RUNX3: variants seen among roughly 807,000 people sequenced by gnomAD.
RUNX3 encodes runt-related transcription factor 3.
Under a neutral mutation model 27.7 loss-of-function variants are expected in RUNX3, and 10 were observed. That is an observed-to-expected ratio of 0.36 (90% CI 0.22 to 0.61). The LOEUF (loss-of-function observed/expected upper bound fraction) is 0.61. Ranked by LOEUF, RUNX3 falls within the 20% of genes least tolerant of loss-of-function variation. The probability of loss-of-function intolerance (pLI) is 0.72; values close to 1 mark genes in which losing one functional copy is unlikely to be tolerated. For synonymous variants in RUNX3, 270 were observed against 269.2 expected, an observed-to-expected ratio of 1.00 and a Z score of -0.03; for missense variants, 469 against 629.5, an observed-to-expected ratio of 0.75 and a Z score of 2.73.
At chr1:24,922,917 C>T (rs748403302) in intron 2 of RUNX3, among the ~76,000 whole-genome samples, 31 of 151,536 alleles carry the variant, frequency 2.0e-4, no homozygotes, top group Non-Finnish European at 3.5e-4. Context: ...AATCCATCTA[C>T]TCATTTTGTC....
At chr1:24,929,330 A>T in intron 1 of RUNX3, 1 of 685,006 alleles carries the variant, frequency 1.5e-6, no homozygotes, top group Non-Finnish European at 2.7e-6. Flanking sequence ...TTTCCGCACC[A>T]ACGTCTCTAC....
intron 2 of RUNX3, among the ~76,000 whole-genome samples, chr1:24,937,390 C>T (rs1641372526): frequency 6.6e-6 from 1 of 152,250 alleles, no homozygotes; most frequent in South Asian, 2.1e-4. Context: ...ACAAATCCAC[C>T]CCTCATCACC....
chr1:24,902,132 C>A lies in RUNX3; in HGVS notation c.1238G>T (p.Arg413Leu). 6.5e-7 allele frequency: 1 copy of A among 1,546,074 alleles called. No individual in the cohort carries two copies. The highest frequency in any genetic ancestry group is 8.7e-7 in the Non-Finnish European group (1 of 1,143,872). The change falls in exon 5 of 5, where the codon CGG becomes CTG. Residue 413 changes from arginine to leucine, a missense_variant. Physicochemically the swap from Arg to Leu is moderately radical, Grantham distance 102 (BLOSUM62 -2). Around this residue, in one of 3 missense-constraint regions of RUNX3, gnomAD observed 279 missense variants for 343.0 expected, o/e 0.81. Coordinates refer to ENST00000308873, the MANE Select transcript of RUNX3 (RefSeq NM_004350.3). This position sits in a 1 kb window ranked among gnomAD's most constrained non-coding sequence, Gnocchi z 9.2. Reference sequence around the variant, plus strand: ...AGTCCACCAGGGCGGTCAGTAGGGCCGCCACACGGCCTCATCCATGCGGCC... The same window carrying A: ...AGTCCACCAGGGCGGTCAGTAGGGCAGCCACACGGCCTCATCCATGCGGCC... Reference protein sequence around the residue: ...TPGRMDEAVWRPY With the variant: ...TPGRMDEAVWLPY
chr1:24,930,275 G>C lies in RUNX3; in HGVS notation c.-407C>G, dbSNP rs1306724373. 1.0e-6 allele frequency: 1 copy of C among 981,738 alleles called. No individual in the cohort carries two copies. The highest frequency in any genetic ancestry group is 1.2e-6 in the Non-Finnish European group (1 of 827,258). 60.8% of individuals were successfully genotyped at this position (981,738 alleles called of 1,614,324 possible). A position where few individuals can be genotyped will look rare whatever the true frequency, so the allele number is the denominator to read the frequency against. On this transcript the variant is annotated 5_prime_UTR_variant, in exon 1 of 5. Coordinates refer to ENST00000308873, the MANE Select transcript of RUNX3 (RefSeq NM_004350.3). This position sits in a 1 kb window ranked among gnomAD's most constrained non-coding sequence, Gnocchi z 4.1. ...AGAACAAATCCTCCAGAATCAAGTG[G>C]CGGGGCCGCGGCCGCCCGCGCGGGG...
intron 2 of RUNX3, among the ~76,000 whole-genome samples, chr1:24,955,332 C>T (rs575826854): frequency 1.1e-4 from 17 of 152,096 alleles, no homozygotes; most frequent in Non-Finnish European, 4.4e-5. Flanking sequence ...GAGAGTTTGA[C>T]GGGCTGGTTT....
Position 24,915,830 on chromosome 1 carries a change from G to A in RUNX3, c.544+3410C>T, listed in dbSNP as rs1447252401. Among the ~76,000 whole-genome samples, 6 of 152,152 alleles carry A rather than the reference G, an allele frequency of 3.9e-5. No homozygotes were observed. The South Asian group carries it at 1.0e-3, about 26-fold the overall frequency. On this transcript the variant is annotated intron_variant, in intron 3 of 4. Coordinates refer to ENST00000308873, the MANE Select transcript of RUNX3 (RefSeq NM_004350.3). ...GGGGCGTGAGGGCCTTTCCCCCACC[G>A]TGGTCCATGCCAGACTTGCCAGGTG... is the stretch of plus-strand genomic sequence containing the variant.
intron 2 of RUNX3, among the ~76,000 whole-genome samples, chr1:24,942,168 T>G (rs916212334): frequency 1.2e-4 from 18 of 151,872 alleles, no homozygotes; most frequent in Admixed American, 6.5e-4. Context: ...GCTCTGAGCT[T>G]AGATGAGGGG....
intron 2 of RUNX3, among the ~76,000 whole-genome samples, chr1:24,920,955 G>C (rs1314294129): frequency 6.6e-6 from 1 of 152,116 alleles, no homozygotes; most frequent in African/African-American, 2.4e-5. Context: ...GAGCGGGGGA[G>C]ATTTGCGGAT....
In RUNX3 at chr1:24,929,942, C is replaced by A; in HGVS notation, c.-74G>T. ...CCGGGGGCGGCCGGCGCGGGCGCCT[C>A]CTCGGCCGCCGCTGCCGCGAGAAGC... On this transcript the variant is annotated 5_prime_UTR_variant, in exon 1 of 5. Coordinates refer to ENST00000308873, the MANE Select transcript of RUNX3 (RefSeq NM_004350.3). 1 of 1,217,008 alleles carries A rather than the reference C, an allele frequency of 8.2e-7. No homozygotes were observed. Among genetic ancestry groups the A allele is most frequent in the Non-Finnish European group, 1.0e-6 (1 of 979,994 alleles). The allele number at this position is 1,217,008 out of a possible 1,614,324, so 75.4% of individuals were successfully genotyped here.
rs367759587 is a variant in RUNX3 at position 24,918,586 on chromosome 1, T to TTCAG, written c.544+650_544+653dup. Among the ~76,000 whole-genome samples, 41 of 151,440 alleles carry TTCAG rather than the reference T, an allele frequency of 2.7e-4. No individual in the cohort carries two copies. In the East Asian group the frequency reaches 5.6e-3, roughly 21 times the overall value. On this transcript the variant is annotated intron_variant, in intron 3 of 4. Transcript: ENST00000308873. ...TCTATTTCATTCATTCATTCATTCA[T>TTCAG]TCAGTCAGTCAGTCAGTCAGTCATT...
upstream of RUNX3, among the ~76,000 whole-genome samples, chr1:24,932,532 T>C (rs1641255815): frequency 6.6e-6 from 1 of 152,166 alleles, no homozygotes; most frequent in Non-Finnish European, 1.5e-5. Context: ...GCCCTTTCCT[T>C]GCCATCCATG....
intron 2 of RUNX3, among the ~76,000 whole-genome samples, chr1:24,959,081 C>T (rs1557863801): frequency 6.6e-6 from 1 of 152,214 alleles, no homozygotes; most frequent in Non-Finnish European, 1.5e-5. Flanking sequence ...TCTCACAGCC[C>T]GCTGGAAGGT....
chr1:24,930,186 C>CGCT lies in RUNX3; in HGVS notation c.-321_-319dup, dbSNP rs1271145697. The CGCT allele has an allele frequency of 1.0e-4, 102 of 979,170 alleles. No homozygotes were observed. Among genetic ancestry groups the CGCT allele is most frequent in the Middle Eastern group, 5.2e-4 (1 of 1,908 alleles). 60.7% of individuals were successfully genotyped at this position (979,170 alleles called of 1,614,324 possible). ...CGGCGGGGCCCGCGCGGGGCTGTGC[C>CGCT]GCTGCCGCCGCCTCCCGCCCCGAAG... On this transcript the variant is annotated 5_prime_UTR_variant, in exon 1 of 5. Coordinates refer to ENST00000308873, the MANE Select transcript of RUNX3 (RefSeq NM_004350.3). The surrounding 1 kb of genome is among the most constrained non-coding windows in gnomAD (Gnocchi z 4.1).
chr1:24,964,488 C>A (rs891787649), intron 2 of RUNX3: 1 of 1,593,178 alleles, frequency 6.3e-7, no homozygotes, highest in Non-Finnish European at 8.6e-7. Flanking sequence ...GCTCCCCACC[C>A]AGGGCCCTGG....
At chr1:24,939,929 CCT>C (rs1211747074) in intron 2 of RUNX3, among the ~76,000 whole-genome samples, 1 of 152,226 alleles carries the variant, frequency 6.6e-6, no homozygotes, top group Non-Finnish European at 1.5e-5. Context: ...CAACACATGG[CCT>C]CTCTGGGCTT....
rs369397259 is a variant in RUNX3, at chr1:24,957,197, C to T, written c.58+7317G>A. ...CCCCAAAGAGGAACCTAAACCTTCA[C>T]GCTGCCTGCACCGATTGGACCGGAG... On this transcript the variant is annotated intron_variant, in intron 2 of 6. Coordinates refer to the RUNX3 transcript ENST00000338888. Among the ~76,000 whole-genome samples the T allele has an allele frequency of 2.1e-3, 315 of 152,362 alleles. 9 individuals carry two copies. In the South Asian group the frequency reaches 0.059, roughly 28 times the overall value.
At chr1:24,960,530 C>T (rs776148237) in intron 2 of RUNX3, among the ~76,000 whole-genome samples, 2 of 152,200 alleles carry the variant, frequency 1.3e-5, no homozygotes, top group Admixed American at 6.5e-5. Flanking sequence ...CGCCCCAGAG[C>T]CCCCTTAAAG....
Position 24,902,100 on chromosome 1 carries a change from C to T in RUNX3, c.*22G>A, listed in dbSNP as rs369870835. ...AGGTTGTTAGGGTCCCCGCCTCCAG[C>T]GGGAGGAGTCCACCAGGGCGGTCAG... On this transcript the variant is annotated 3_prime_UTR_variant, in exon 5 of 5. Coordinates refer to ENST00000308873, the MANE Select transcript of RUNX3 (RefSeq NM_004350.3). This position sits in a 1 kb window ranked among gnomAD's most constrained non-coding sequence, Gnocchi z 9.2. The T allele has an allele frequency of 2.6e-4, 395 of 1,504,742 alleles. No individual in the cohort carries two copies. In the South Asian group the frequency reaches 3.8e-3, roughly 14 times the overall value. 93.2% of individuals were successfully genotyped at this position (1,504,742 alleles called of 1,614,324 possible). A position where few individuals can be genotyped will look rare whatever the true frequency, so the allele number is the denominator to read the frequency against.
In RUNX3 at chr1:24,901,031, T is replaced by G. The variant is rs1462224905; in HGVS notation, c.*1091A>C. On this transcript the variant is annotated 3_prime_UTR_variant, in exon 5 of 5. Transcript: ENST00000308873. ...AAAACTGTTTTGTTTTTTTTTTGTT[T>G]TTTTGTTTTTTTTTTTTTTTTGCTC... 15 of 143,002 alleles carry G rather than the reference T, an allele frequency of 1.0e-4. No individual in the cohort carries two copies. The highest frequency in any genetic ancestry group is 1.5e-4 in the African/African-American group (5 of 33,662). 8.9% of individuals were successfully genotyped at this position (143,002 alleles called of 1,614,324 possible).
Sources: allele counts gnomAD v4.1 joint callset (sites outside exome capture counted in the v4.1 genomes callset), GRCh38; gene constraint gnomAD v4.1.1; regional missense constraint gnomAD v4.1.1; non-coding constraint Gnocchi (gnomAD v3.1); transcripts MANE v1.5; gene names NCBI Gene and HGNC (gene_info 2026-07-23, HGNC 2026-07-21).